Variants in MAPK10 observed in about 807,000 individuals in gnomAD.
The protein encoded by MAPK10 is JNK3 alpha protein kinase.
A neutral mutation model predicts 59.3 loss-of-function variants in MAPK10; 25 were observed. The observed-to-expected ratio is 0.42, with a 90% CI of 0.31 to 0.59. The LOEUF (loss-of-function observed/expected upper bound fraction) is 0.59. Among genes scored for constraint, MAPK10 ranks in the 20% least tolerant of loss-of-function variants. The probability of loss-of-function intolerance (pLI) is 0.15; values close to 1 mark genes in which losing one functional copy is unlikely to be tolerated. For synonymous variants in MAPK10, 190 were observed against 200.5 expected (o/e 0.95, Z 0.44); for missense variants, 351 against 568.9 (o/e 0.62, Z 3.90).
intron 2 of MAPK10, among the ~76,000 whole-genome samples, chr4:86,304,520 G>A (rs373504297): frequency 0.01 from 1,502 of 149,620 alleles, 12 homozygotes; most frequent in Middle Eastern, 0.045. Flanking sequence ...AGCCTCCCGA[G>A]TAGCTGGGAC....
At chr4:86,347,668 G>A (rs562036666) in intron 2 of MAPK10, among the ~76,000 whole-genome samples, 5 of 152,018 alleles carry the variant, frequency 3.3e-5, no homozygotes, top group African/African-American at 9.7e-5. Context: ...AAATAGATCC[G>A]GTGTCTGTTG....
chr4:86,376,231 C>A (rs1467935246), intron 1 of MAPK10, among the ~76,000 whole-genome samples: 2 of 152,090 alleles, frequency 1.3e-5, no homozygotes, highest in Admixed American at 6.5e-5. Flanking sequence ...TTCTTCTCCC[C>A]ACTCAAAAGC....
intron 1 of MAPK10, among the ~76,000 whole-genome samples, chr4:86,509,994 T>C (rs1270568185): frequency 6.6e-6 from 1 of 152,226 alleles, no homozygotes; most frequent in Non-Finnish European, 1.5e-5. Flanking sequence ...AGAAATTCCT[T>C]AAGAAATCCT....
At chr4:86,346,344 C>CATAT in intron 2 of MAPK10, among the ~76,000 whole-genome samples, 1 of 152,268 alleles carries the variant, frequency 6.6e-6, no homozygotes, top group African/African-American at 2.4e-5. Context: ...CACATCCTCC[C>CATAT]ATATACTTTG....
At chr4:86,230,839 C>A (rs1012146683) in intron 2 of MAPK10, among the ~76,000 whole-genome samples, 8 of 152,100 alleles carry the variant, frequency 5.3e-5, no homozygotes, top group Non-Finnish European at 1.2e-4. Flanking sequence ...ATTATAAAGT[C>A]TCTGCCCTTT....
intron 2 of MAPK10, among the ~76,000 whole-genome samples, chr4:86,242,183 T>C (rs1323237994): frequency 6.6e-6 from 1 of 152,068 alleles, no homozygotes; most frequent in Non-Finnish European, 1.5e-5. Context: ...TGCCTGGAGA[T>C]GTCATTCAAG....
chr4:86,327,566 ACAGGTCTTTGAAGGGCAACATTATTT>A (rs1481321438), intron 2 of MAPK10: 1 of 151,726 alleles, frequency 6.6e-6, no homozygotes, highest in Non-Finnish European at 1.5e-5. Flanking sequence ...TGTATTGAAT[ACAGGTCTTTGAAGGGCAACATTATTT>A]CAATATCCTA....
At chr4:86,283,518 C>T (rs1034972948) in intron 2 of MAPK10, among the ~76,000 whole-genome samples, 3 of 152,128 alleles carry the variant, frequency 2.0e-5, no homozygotes, top group Non-Finnish European at 2.9e-5. Flanking sequence ...CACAATGAAC[C>T]GAAAACACTT....
intron 6 of MAPK10, among the ~76,000 whole-genome samples, chr4:86,102,634 C>A (rs2055688675): frequency 6.6e-6 from 1 of 152,156 alleles, no homozygotes; most frequent in Non-Finnish European, 1.5e-5. Flanking sequence ...AATTCTCCTG[C>A]CTCAGCCTCC....
intron 1 of MAPK10, among the ~76,000 whole-genome samples, chr4:86,451,132 AC>A (rs746837334): frequency 2.6e-5 from 4 of 152,198 alleles, no homozygotes; most frequent in Non-Finnish European, 5.9e-5. Context: ...AGAAGTACAA[AC>A]CGCTAATAAT....
upstream of MAPK10, chr4:86,360,171 C>T: frequency 2.0e-6 from 2 of 985,996 alleles, no homozygotes; most frequent in Non-Finnish European, 2.4e-6. Flanking sequence ...GAGGGGGAAA[C>T]AGAAAGAGGA....
At chr4:86,375,375 G>T (rs1389081384) in intron 1 of MAPK10, among the ~76,000 whole-genome samples, 1 of 152,108 alleles carries the variant, frequency 6.6e-6, no homozygotes, top group Admixed American at 6.6e-5. Context: ...TTGCAGTGAT[G>T]AATTTGGAAT....
At chr4:86,137,244 C>G (rs554399421) in intron 4 of MAPK10, among the ~76,000 whole-genome samples, 1 of 152,008 alleles carries the variant, frequency 6.6e-6, no homozygotes, top group South Asian at 2.1e-4. Flanking sequence ...TTTTTCAGCA[C>G]CACACCACAC....
intron 2 of MAPK10, among the ~76,000 whole-genome samples, chr4:86,294,162 G>T (rs1483798797): frequency 6.6e-6 from 1 of 152,178 alleles, no homozygotes; most frequent in African/African-American, 2.4e-5. Flanking sequence ...TCCTTGGCAG[G>T]ACTGGGCCCT....
At chr4:86,542,013 A>G (rs909546125) in intron 1 of MAPK10, among the ~76,000 whole-genome samples, 1 of 151,934 alleles carries the variant, frequency 6.6e-6, no homozygotes, top group Non-Finnish European at 1.5e-5. Flanking sequence ...AGAAAGAAAT[A>G]AAATATTAAT....
chr4:86,024,187 T>A (rs1335883139), intron 13 of MAPK10: 2 of 152,046 alleles, frequency 1.3e-5, no homozygotes, highest in African/African-American at 4.8e-5. Flanking sequence ...TAAGGCTCCC[T>A]TATAGTAAAA....
At chr4:86,472,045 T>C (rs1001017815) in intron 1 of MAPK10, among the ~76,000 whole-genome samples, 3 of 152,192 alleles carry the variant, frequency 2.0e-5, no homozygotes, top group Admixed American at 6.5e-5. Context: ...AATTGAGTTA[T>C]AGTTCAGAAG....
intron 2 of MAPK10, among the ~76,000 whole-genome samples, chr4:86,322,187 A>C (rs6856688): frequency 0.17 from 25,915 of 152,142 alleles, 2,283 homozygotes; most frequent in East Asian, 0.26. Flanking sequence ...ATGAGAAACT[A>C]TTTAAGGAAC....
chr4:86,172,964 G>C (rs934183566), intron 3 of MAPK10, among the ~76,000 whole-genome samples: 1 of 151,690 alleles, frequency 6.6e-6, no homozygotes, highest in Non-Finnish European at 1.5e-5. Flanking sequence ...AAAGAAATAA[G>C]AGACAACACA....
Sources: allele counts gnomAD v4.1 joint callset (sites outside exome capture counted in the v4.1 genomes callset), GRCh38; gene constraint gnomAD v4.1.1; transcripts MANE v1.5; gene names NCBI Gene and HGNC (gene_info 2026-07-23, HGNC 2026-07-21).